SCFD2: variants seen among roughly 807,000 people sequenced by gnomAD.
The protein encoded by SCFD2 is sec1 family domain containing 2, also known as sec1 family domain-containing protein 2.
In SCFD2, 54 loss-of-function variants were observed where a neutral mutation model predicts 58.9. The observed-to-expected ratio is 0.92, with a 90% CI of 0.74 to 1.15. SCFD2 has a LOEUF of 1.15. Ranked by LOEUF, SCFD2 falls within the 50% of genes most tolerant of loss-of-function variation. SCFD2 has a pLI of 0.00. For missense variants in SCFD2, 805 were observed against 836.6 expected, an observed-to-expected ratio of 0.96 and a Z score of 0.47; for synonymous variants, 321 against 335.9, an observed-to-expected ratio of 0.96 and a Z score of 0.49.
chr4:53,073,620 A>G (rs1723887513), intron 5 of SCFD2, among the ~76,000 whole-genome samples: 1 of 152,182 alleles, frequency 6.6e-6, no homozygotes, highest in Non-Finnish European at 1.5e-5. Context: ...TTCCCTGCCA[A>G]AAGATCTGCA....
At chr4:52,885,232 G>A (rs957942424) in intron 8 of SCFD2, among the ~76,000 whole-genome samples, 1 of 152,068 alleles carries the variant, frequency 6.6e-6, no homozygotes, top group Non-Finnish European at 1.5e-5. Context: ...GTGGTTCCTG[G>A]AGTTATCCCT....
intron 4 of SCFD2, among the ~76,000 whole-genome samples, chr4:53,237,447 G>T (rs1334367892): frequency 6.8e-6 from 1 of 146,802 alleles, no homozygotes; most frequent in Non-Finnish European, 1.5e-5. Flanking sequence ...CTTCCCGGAT[G>T]GGGGGTCTGG....
chr4:52,923,121 G>A (rs769944204), intron 5 of SCFD2, among the ~76,000 whole-genome samples: 28 of 152,094 alleles, frequency 1.8e-4, no homozygotes, highest in Non-Finnish European at 7.4e-5. Flanking sequence ...CTTAAAGGAT[G>A]GGCAAAAGCC....
intron 5 of SCFD2, among the ~76,000 whole-genome samples, chr4:52,941,502 T>C (rs973537554): frequency 1.3e-5 from 2 of 152,214 alleles, no homozygotes; most frequent in African/African-American, 4.8e-5. Context: ...CTTGGTAGTC[T>C]TAAGAAGATC....
At chr4:53,080,410 C>A (rs973202674) in intron 5 of SCFD2, among the ~76,000 whole-genome samples, 1 of 151,946 alleles carries the variant, frequency 6.6e-6, no homozygotes, top group African/African-American at 2.4e-5. Context: ...TGGGTCATAG[C>A]AATAAAAAAA....
At chr4:53,070,675 T>A (rs1290238295) in intron 5 of SCFD2, among the ~76,000 whole-genome samples, 1 of 152,096 alleles carries the variant, frequency 6.6e-6, no homozygotes, top group Non-Finnish European at 1.5e-5. Context: ...GTTGGCTGAT[T>A]ATGTCCTACT....
chr4:53,181,613 T>C (rs1004290710), intron 4 of SCFD2, among the ~76,000 whole-genome samples: 2 of 152,176 alleles, frequency 1.3e-5, no homozygotes, highest in African/African-American at 4.8e-5. Context: ...AGATGCCCTC[T>C]CTCACCACTC....
At chr4:53,027,717 A>G (rs1488724001) in intron 5 of SCFD2, among the ~76,000 whole-genome samples, 4 of 152,000 alleles carry the variant, frequency 2.6e-5, no homozygotes, top group Admixed American at 6.6e-5. Flanking sequence ...AGTCCCAGCT[A>G]CTCGGGAGGC....
intron 5 of SCFD2, among the ~76,000 whole-genome samples, chr4:52,969,232 T>C (rs1057273172): frequency 3.9e-5 from 6 of 152,234 alleles, no homozygotes; most frequent in African/African-American, 1.4e-4. Flanking sequence ...ATCTTTTTCC[T>C]GACTGCAAGA....
At position 53,352,746 on chromosome 4, in the gene SCFD2, C is replaced by T; in HGVS notation, c.859G>A (p.Asp287Asn). Residue 287 changes from aspartate (D) to asparagine (N), a missense_variant, in exon 2 of 9, where the codon GAC becomes AAC. By Grantham distance (23) the Asp-to-Asn change is conservative. Coordinates refer to ENST00000401642, the MANE Select transcript of SCFD2 (RefSeq NM_152540.4). The part of the protein sequence containing the change: ...DLTGAVGHHG[D>N]NLVEKIISAL... ...GAAATGATCTTCTCTACTAAGTTGT[C>T]TCCATGATGTCCAACTGCTCCTGTT... The T allele has an allele frequency of 1.2e-6, 2 of 1,613,970 alleles. No homozygotes were observed. Among genetic ancestry groups the T allele is most frequent in the Non-Finnish European group, 1.7e-6 (2 of 1,179,920 alleles).
chr4:53,199,088 C>T (rs530928204), intron 4 of SCFD2, among the ~76,000 whole-genome samples: 1 of 152,172 alleles, frequency 6.6e-6, no homozygotes, highest in African/African-American at 2.4e-5. Flanking sequence ...CACTGCCAAA[C>T]TTAACTAGTT....
intron 4 of SCFD2, among the ~76,000 whole-genome samples, chr4:53,188,098 G>A: frequency 6.6e-6 from 1 of 152,174 alleles, no homozygotes; most frequent in Non-Finnish European, 1.5e-5. Context: ...AACATCCTAT[G>A]CTTAATGGTT....
At chr4:53,013,063 C>A (rs753694240) in intron 5 of SCFD2, among the ~76,000 whole-genome samples, 1 of 152,140 alleles carries the variant, frequency 6.6e-6, no homozygotes, top group Non-Finnish European at 1.5e-5. Flanking sequence ...GCCTCACTGA[C>A]AACAAACACA....
chr4:52,916,191 C>T (rs755369886), intron 6 of SCFD2, among the ~76,000 whole-genome samples: 4 of 152,238 alleles, frequency 2.6e-5, no homozygotes, highest in Non-Finnish European at 5.9e-5. Context: ...TGAGGAATGG[C>T]ATCACATCAG....
intron 4 of SCFD2, among the ~76,000 whole-genome samples, chr4:53,181,039 G>A (rs1292977264): frequency 6.6e-6 from 1 of 152,120 alleles, no homozygotes; most frequent in Non-Finnish European, 1.5e-5. Context: ...AAAAGTCCAG[G>A]ACCAGATGGA....
intron 5 of SCFD2, among the ~76,000 whole-genome samples, chr4:53,047,245 C>T (rs1489987074): frequency 6.6e-6 from 1 of 152,040 alleles, no homozygotes; most frequent in Non-Finnish European, 1.5e-5. Flanking sequence ...GCCAGGAGTT[C>T]AAAACCAGCT....
chr4:53,035,126 G>C (rs1415127552), intron 5 of SCFD2, among the ~76,000 whole-genome samples: 3 of 152,054 alleles, frequency 2.0e-5, no homozygotes, highest in African/African-American at 7.3e-5. Context: ...CCAAAACAGA[G>C]ATATAGACCA....
chr4:52,951,473 A>G (rs1720591572), intron 5 of SCFD2, among the ~76,000 whole-genome samples: 1 of 152,224 alleles, frequency 6.6e-6, no homozygotes, highest in South Asian at 2.1e-4. Flanking sequence ...CTAGCCAACC[A>G]GTACCCTTAG....
At chr4:52,900,001 C>T (rs1719141616) in intron 7 of SCFD2, among the ~76,000 whole-genome samples, 2 of 152,210 alleles carry the variant, frequency 1.3e-5, no homozygotes, top group South Asian at 4.1e-4. Context: ...TCAGCTCCAT[C>T]AGGTCCTTTA....
Sources: allele counts gnomAD v4.1 joint callset (sites outside exome capture counted in the v4.1 genomes callset), GRCh38; gene constraint gnomAD v4.1.1; transcripts MANE v1.5; gene names NCBI Gene and HGNC (gene_info 2026-07-23, HGNC 2026-07-21).